Variants in MAGI1 observed in about 807,000 individuals in gnomAD.
MAGI1 encodes membrane associated guanylate kinase, WW and PDZ domain containing 1.
In MAGI1, 58 loss-of-function variants were observed where a neutral mutation model predicts 139.9. The ratio of observed to expected loss-of-function variants is 0.41; its 90% CI spans 0.34 to 0.52. The LOEUF is 0.52. Ranked by LOEUF, MAGI1 falls within the 20% of genes least tolerant of loss-of-function variation. The probability of loss-of-function intolerance (pLI) is 0.12; values close to 1 mark genes in which losing one functional copy is unlikely to be tolerated. For missense variants in MAGI1, 1,874 were observed against 1,901.6 expected (o/e 0.99, Z 0.27); for synonymous variants, 812 against 737.9 (o/e 1.10, Z -1.63).
chr3:65,797,129 G>A (rs2040197595), intron 1 of MAGI1, among the ~76,000 whole-genome samples: 1 of 152,128 alleles, frequency 6.6e-6, no homozygotes, highest in African/African-American at 2.4e-5. Context: ...ACTTTTAAGT[G>A]TTTGGAAAAA....
At chr3:65,873,420 C>A (rs1184461272) in intron 1 of MAGI1, 1 of 152,220 alleles carries the variant, frequency 6.6e-6, no homozygotes, top group African/African-American at 2.4e-5. Flanking sequence ...ATTCCTACTG[C>A]TTATTTTCTG....
chr3:65,623,348 G>T (rs917081305), intron 1 of MAGI1, among the ~76,000 whole-genome samples: 5 of 152,226 alleles, frequency 3.3e-5, no homozygotes, highest in African/African-American at 1.2e-4. Flanking sequence ...CAAAAGAAAA[G>T]CTAAAAATAT....
chr3:65,384,354 C>T (rs1433915230), intron 14 of MAGI1, among the ~76,000 whole-genome samples: 1 of 152,116 alleles, frequency 6.6e-6, no homozygotes. Flanking sequence ...AGATTTTTTT[C>T]TTCTCGTTAT....
At chr3:65,708,268 A>G (rs1447181536) in intron 1 of MAGI1, among the ~76,000 whole-genome samples, 1 of 152,198 alleles carries the variant, frequency 6.6e-6, no homozygotes, top group Non-Finnish European at 1.5e-5. Context: ...AAAAGAATAA[A>G]GAGATGGTAG....
Position 65,720,646 on chromosome 3 carries a change from C to T in MAGI1, c.314-98558G>A, listed in dbSNP as rs1365923618. ...CCCCCAAGAAACACGTAAAGCTTCC[C>T]TTTCATACCAAGTGGGAGATGAGGA... On this transcript the variant is annotated intron_variant, in intron 1 of 22. Transcript: ENST00000402939. Among the ~76,000 whole-genome samples, 8 of 152,178 alleles carry T rather than the reference C, an allele frequency of 5.3e-5. No homozygotes were observed. In the East Asian group the frequency reaches 1.3e-3, roughly 26 times the overall value.
At chr3:65,982,770 C>T (rs2107287396) in intron 1 of MAGI1, among the ~76,000 whole-genome samples, 1 of 152,130 alleles carries the variant, frequency 6.6e-6, no homozygotes, top group South Asian at 2.1e-4. Flanking sequence ...GGCACCAGTG[C>T]CAAAAATCTA....
intron 1 of MAGI1, among the ~76,000 whole-genome samples, chr3:65,994,110 C>T (rs2107381373): frequency 6.6e-6 from 1 of 152,032 alleles, no homozygotes; most frequent in Non-Finnish European, 1.5e-5. Flanking sequence ...CCCATCTCTA[C>T]TAAAAATACA....
At chr3:65,393,027 T>TTGGG (rs1944061664) in intron 13 of MAGI1, among the ~76,000 whole-genome samples, 1 of 152,186 alleles carries the variant, frequency 6.6e-6, no homozygotes, top group African/African-American at 2.4e-5. Flanking sequence ...ACGCTGATGT[T>TTGGG]TGGGTGGGAA....
intron 1 of MAGI1, among the ~76,000 whole-genome samples, chr3:65,783,646 C>A (rs754780374): frequency 6.6e-6 from 1 of 151,836 alleles, no homozygotes; most frequent in African/African-American, 2.4e-5. Context: ...AGGCGTGCAT[C>A]ACCATGCCCA....
At chr3:65,654,736 G>T (rs12186064) in intron 1 of MAGI1, among the ~76,000 whole-genome samples, 26,435 of 152,044 alleles carry the variant, frequency 0.17, 3,139 homozygotes, top group Non-Finnish European at 0.27. Context: ...TCACCCAGAA[G>T]CTGCAGTATG....
rs183442304 is a variant in MAGI1, at chr3:65,909,562, G to A, written c.313+128434C>T. ...AAAATAATAATTAGGCCAGTGTGGT[G>A]GTGGGTGCCTATAATCCCAACTATT... On this transcript the variant is annotated intron_variant, in intron 1 of 22. Transcript: ENST00000402939. 3.3e-5 allele frequency among the ~76,000 whole-genome samples: 5 copies of A among 152,084 alleles called. No homozygotes were observed. The East Asian group carries it at 9.7e-4, about 30-fold the overall frequency.
intron 1 of MAGI1, among the ~76,000 whole-genome samples, chr3:65,770,028 T>C (rs1445142928): frequency 1.3e-5 from 2 of 152,200 alleles, no homozygotes; most frequent in Non-Finnish European, 2.9e-5. Context: ...GGAGGATTGC[T>C]ATCTTGGGCC....
intron 14 of MAGI1, chr3:65,387,311 A>C (rs1943529120): frequency 1.0e-6 from 1 of 972,094 alleles, no homozygotes; most frequent in Non-Finnish European, 1.6e-6. Flanking sequence ...ATTGATAAGG[A>C]ACAGTCAGTT....
intron 1 of MAGI1, among the ~76,000 whole-genome samples, chr3:65,734,505 G>GACAGAGAAAGAA (rs1553699208): frequency 1.4e-5 from 2 of 140,398 alleles, no homozygotes; most frequent in Non-Finnish European, 3.0e-5. Context: ...GAAAGAGGAA[G>GACAGAGAAAGAA]AGAGAGAAAG....
intron 2 of MAGI1, among the ~76,000 whole-genome samples, chr3:65,558,725 C>A (rs2080204217): frequency 6.6e-6 from 1 of 152,108 alleles, no homozygotes. Flanking sequence ...GGGACCCCAT[C>A]CTGATCTACC....
chr3:65,856,875 G>C (rs1552967), intron 1 of MAGI1, among the ~76,000 whole-genome samples: 9,575 of 152,252 alleles, frequency 0.063, 808 homozygotes, highest in African/African-American at 0.2. Context: ...TTCATGAGAC[G>C]CCTAACGGAA....
chr3:65,715,458 A>G (rs1305147519), intron 1 of MAGI1, among the ~76,000 whole-genome samples: 1 of 152,216 alleles, frequency 6.6e-6, no homozygotes, highest in African/African-American at 2.4e-5. Flanking sequence ...TTAATTAAGC[A>G]TACTGCTGGG....
chr3:65,387,025 T>C, intron 14 of MAGI1: 1 of 835,784 alleles, frequency 1.2e-6, no homozygotes, highest in South Asian at 1.7e-5. Context: ...GCACTTCCCT[T>C]CATGCCCCTT....
chr3:65,547,583 A>G (rs1165003659), intron 2 of MAGI1, among the ~76,000 whole-genome samples: 1 of 152,172 alleles, frequency 6.6e-6, no homozygotes, highest in Non-Finnish European at 1.5e-5. Context: ...CTTTCTGCAA[A>G]GAAGCAGGGT....
Sources: gnomAD v4.1 joint callset for allele counts (sites outside exome capture counted in the v4.1 genomes callset) on GRCh38, gnomAD v4.1.1 for gene constraint, MANE v1.5 for transcripts, NCBI Gene and HGNC (gene_info 2026-07-23, HGNC 2026-07-21) for gene names.